CACNB4: variants seen among roughly 807,000 people sequenced by gnomAD.
The protein encoded by CACNB4 is calcium voltage-gated channel auxiliary subunit beta 4.
In CACNB4, 32 loss-of-function variants were observed where a neutral mutation model predicts 71.2. The observed-to-expected ratio is 0.45, with a 90% CI of 0.34 to 0.60. The LOEUF (loss-of-function observed/expected upper bound fraction) is 0.60. Ranked by LOEUF, CACNB4 falls within the 20% of genes least tolerant of loss-of-function variation. CACNB4 has a pLI of 0.01. For missense variants in CACNB4, 464 were observed against 647.9 expected (o/e 0.72, Z 3.08); for synonymous variants, 231 against 236.9 (o/e 0.97, Z 0.23).
Position 152,098,565 on chromosome 2 carries a change from C to T in CACNB4, c.64-152G>A, listed in dbSNP as rs1344718768. Reference sequence around the variant, plus strand: ...TCTCCTCCGCGACTCCCAAATACAGCCCCCACCCCCACCCACCCACTGCAA... The same window carrying T: ...TCTCCTCCGCGACTCCCAAATACAGTCCCCACCCCCACCCACCCACTGCAA... On this transcript the variant is annotated intron_variant, in intron 1 of 13. Coordinates refer to ENST00000539935, the MANE Select transcript of CACNB4 (RefSeq NM_000726.5). The surrounding 1 kb of genome is among the most constrained non-coding windows in gnomAD (Gnocchi z 5.3). 7 of 843,188 alleles carry T rather than the reference C, an allele frequency of 8.3e-6. No homozygotes were observed. The highest frequency in any genetic ancestry group is 2.9e-5 in the South Asian group (2 of 70,100). The allele number at this position is 843,188 out of a possible 1,614,324, so 52.2% of individuals were successfully genotyped here. A position where few individuals can be genotyped will look rare whatever the true frequency, so the allele number is the denominator to read the frequency against.
chr2:151,927,845 T>C (rs1424244581), intron 2 of CACNB4, among the ~76,000 whole-genome samples: 2 of 152,254 alleles, frequency 1.3e-5, no homozygotes, highest in Admixed American at 1.3e-4. Flanking sequence ...TCTGGCACAG[T>C]AGCGGTGAGC....
intron 2 of CACNB4, among the ~76,000 whole-genome samples, chr2:152,062,169 TG>T (rs1375957060): frequency 2.6e-5 from 4 of 152,128 alleles, no homozygotes. Context: ...CCCTAATTTT[TG>T]GTTAACTACT....
At chr2:151,993,573 T>C (rs887187094) in intron 2 of CACNB4, among the ~76,000 whole-genome samples, 5 of 151,070 alleles carry the variant, frequency 3.3e-5, no homozygotes, top group African/African-American at 1.2e-4. Context: ...CTTTTTTTTT[T>C]TTTTTTTTTG....
chr2:151,960,453 CCTTAT>C (rs1209648126), intron 2 of CACNB4, among the ~76,000 whole-genome samples: 1 of 152,158 alleles, frequency 6.6e-6, no homozygotes, highest in Non-Finnish European at 1.5e-5. Flanking sequence ...CCCGAGTTCG[CCTTAT>C]CTTAAGAATC....
At chr2:152,085,562 A>T (rs4664527) in intron 2 of CACNB4, among the ~76,000 whole-genome samples, 4 of 151,588 alleles carry the variant, frequency 2.6e-5, no homozygotes, top group Non-Finnish European at 5.9e-5. Context: ...ACCTTCCCAT[A>T]CCCACCATGA....
chr2:151,841,921 T>G lies in CACNB4; in HGVS notation c.1284A>C (p.Thr428=), dbSNP rs2099836322. 2 of 1,613,668 alleles carry G rather than the reference T, an allele frequency of 1.2e-6. No homozygotes were observed. Among genetic ancestry groups the G allele is most frequent in the African/African-American group, 2.7e-5 (2 of 74,916 alleles). ...LGSTALSPYP[T]AISGLQSQRM... Reference sequence around the variant, plus strand: ...ACAATACCTGTAACCCAGAAATTGCTGTGGGATATGGTGAGAGTGCCGTGG... The same window carrying G: ...ACAATACCTGTAACCCAGAAATTGCGGTGGGATATGGTGAGAGTGCCGTGG... Residue 428 remains threonine (T), a synonymous_variant, in exon 13 of 14, where the codon ACA becomes ACC. Coordinates refer to ENST00000539935, the MANE Select transcript of CACNB4 (RefSeq NM_000726.5).
chr2:151,944,453 GA>G (rs1160455464), intron 2 of CACNB4, among the ~76,000 whole-genome samples: 2 of 152,134 alleles, frequency 1.3e-5, no homozygotes, highest in African/African-American at 2.4e-5. Flanking sequence ...TGATCTGGAA[GA>G]AAAAGAGAGT....
At chr2:152,075,106 A>G (rs1686937685) in intron 2 of CACNB4, among the ~76,000 whole-genome samples, 1 of 152,168 alleles carries the variant, frequency 6.6e-6, no homozygotes, top group African/African-American at 2.4e-5. Context: ...AAATAGAATA[A>G]TTTGCATCCA....
chr2:151,867,691 T>A (rs1411841526), intron 9 of CACNB4: 1 of 152,250 alleles, frequency 6.6e-6, no homozygotes, highest in African/African-American at 2.4e-5. Flanking sequence ...CCTCCTGGAC[T>A]GCAAGAGTGC....
At chr2:152,001,451 G>A (rs1025608973) in intron 2 of CACNB4, among the ~76,000 whole-genome samples, 6 of 142,624 alleles carry the variant, frequency 4.2e-5, no homozygotes, top group Non-Finnish European at 7.5e-5. Flanking sequence ...CACTTTAGGA[G>A]GCCAAGACAG....
intron 2 of CACNB4, among the ~76,000 whole-genome samples, chr2:152,030,009 G>C (rs1465113487): frequency 6.6e-6 from 1 of 152,154 alleles, no homozygotes; most frequent in African/African-American, 2.4e-5. Context: ...CAAGAAAAGA[G>C]CAAATTACAC....
intron 2 of CACNB4, among the ~76,000 whole-genome samples, chr2:152,001,883 T>C (rs1458962574): frequency 6.6e-6 from 1 of 152,180 alleles, no homozygotes; most frequent in Non-Finnish European, 1.5e-5. Context: ...GCTATCCTCA[T>C]CAGGAGGATG....
chr2:151,857,267 A>G (rs2099840544), intron 10 of CACNB4: 1 of 152,202 alleles, frequency 6.6e-6, no homozygotes, highest in Non-Finnish European at 1.5e-5. Context: ...GAATCACTGA[A>G]GTTTAAGGCA....
rs375553277 is a variant in CACNB4 at position 152,098,419 on chromosome 2, C to T, written c.64-6G>A. The T allele has an allele frequency of 1.5e-5, 24 of 1,610,316 alleles. No individual in the cohort carries two copies. Among genetic ancestry groups the T allele is most frequent in the Non-Finnish European group, 1.7e-5 (20 of 1,176,860 alleles). ...GTTGTGGTGCCTCGGGCCACCTGGA[C>T]TCGACACACGGGGGCCAGAGAGAAG... On this transcript the variant is annotated splice_region_variant and splice_polypyrimidine_tract_variant and intron_variant, in intron 1 of 13. Coordinates refer to ENST00000539935, the MANE Select transcript of CACNB4 (RefSeq NM_000726.5). This position sits in a 1 kb window ranked among gnomAD's most constrained non-coding sequence, Gnocchi z 5.3.
intron 2 of CACNB4, among the ~76,000 whole-genome samples, chr2:152,061,154 T>C (rs1350152967): frequency 6.6e-6 from 1 of 151,948 alleles, no homozygotes; most frequent in Non-Finnish European, 1.5e-5. Context: ...CAAAAAATTT[T>C]TGTCAATTAG....
intron 2 of CACNB4, among the ~76,000 whole-genome samples, chr2:152,012,152 G>A (rs1457603429): frequency 3.3e-5 from 5 of 151,664 alleles, no homozygotes; most frequent in African/African-American, 1.2e-4. Flanking sequence ...CCTTCTGGAG[G>A]TATCCCAGAA....
At chr2:152,097,244 A>G (rs1465134993) in intron 2 of CACNB4, among the ~76,000 whole-genome samples, 2 of 152,212 alleles carry the variant, frequency 1.3e-5, no homozygotes, top group Non-Finnish European at 1.5e-5. Flanking sequence ...TTCAATTTTG[A>G]TATCAATTCC....
chr2:152,056,351 ACT>A (rs1685728671), intron 2 of CACNB4, among the ~76,000 whole-genome samples: 1 of 147,516 alleles, frequency 6.8e-6, no homozygotes, highest in Admixed American at 6.8e-5. Flanking sequence ...ACAGAGTGAG[ACT>A]CTGTCTCAAA....
At chr2:151,906,506 T>C (rs1474449478) in intron 2 of CACNB4, among the ~76,000 whole-genome samples, 1 of 152,194 alleles carries the variant, frequency 6.6e-6, no homozygotes, top group Non-Finnish European at 1.5e-5. Flanking sequence ...AGCCACTAAC[T>C]TCCTTCATGG....
Sources: gnomAD v4.1 joint callset for allele counts (sites outside exome capture counted in the v4.1 genomes callset) on GRCh38, gnomAD v4.1.1 for gene constraint, Gnocchi (gnomAD v3.1) non-coding constraint, MANE v1.5 for transcripts, NCBI Gene and HGNC (gene_info 2026-07-23, HGNC 2026-07-21) for gene names.